The following HS3ST2 variants were observed in gnomAD, a reference collection of about 807,000 sequenced individuals.
HS3ST2 encodes heparan sulfate glucosamine 3-O-sulfotransferase 2.
HS3ST2 carries 17 observed loss-of-function variants against 26.3 expected under a neutral mutation model. The observed-to-expected ratio is 0.65, with a 90% CI of 0.44 to 0.97. The LOEUF (loss-of-function observed/expected upper bound fraction) is 0.97. Ranked by LOEUF, HS3ST2 falls within the 50% of genes least tolerant of loss-of-function variation. HS3ST2 has a pLI of 0.00. For synonymous variants in HS3ST2, 237 were observed against 219.2 expected (o/e 1.08, Z -0.72); for missense variants, 402 against 501.2 (o/e 0.80, Z 1.89).
At chr16:22,876,548 C>A (rs1901921068) in intron 1 of HS3ST2, among the ~76,000 whole-genome samples, 1 of 152,160 alleles carries the variant, frequency 6.6e-6, no homozygotes, top group African/African-American at 2.4e-5. Flanking sequence ...CTGCCAGTGT[C>A]AACGACACCA....
intron 1 of HS3ST2, among the ~76,000 whole-genome samples, chr16:22,822,617 G>C (rs1395114910): frequency 3.9e-5 from 6 of 152,156 alleles, no homozygotes; most frequent in African/African-American, 1.4e-4. Flanking sequence ...ACTTTGGGAG[G>C]CCAAGGCAGG....
In HS3ST2 at chr16:22,915,263, A is replaced by T; in HGVS notation, c.805A>T (p.Ile269Phe). The part of the protein sequence containing the change: ...SWLQYFPLAQ[I>F]HFVSGERLIT... ...GCTGCAGTACTTCCCGCTAGCTCAG[A>T]TTCACTTCGTCAGTGGCGAGCGACT... Residue 269 changes from isoleucine (I) to phenylalanine (F), a missense_variant, in exon 2 of 2, where the codon ATT becomes TTT. This residue lies in a region of HS3ST2 where 237 missense variants were observed against 346.6 expected (regional missense o/e 0.68). Coordinates refer to ENST00000261374, the MANE Select transcript of HS3ST2 (RefSeq NM_006043.2). The T allele has an allele frequency of 6.2e-7, 1 of 1,613,976 alleles. No homozygotes were observed. Among genetic ancestry groups the T allele is most frequent in the Non-Finnish European group, 8.5e-7 (1 of 1,180,002 alleles).
At chr16:22,907,513 G>A (rs1053209884) in intron 1 of HS3ST2, among the ~76,000 whole-genome samples, 1 of 152,178 alleles carries the variant, frequency 6.6e-6, no homozygotes, top group African/African-American at 2.4e-5. Flanking sequence ...TAAGGGAGGA[G>A]GCTGGAGACT....
At chr16:22,914,314 A>G (rs1183971652) in intron 1 of HS3ST2, among the ~76,000 whole-genome samples, 1 of 152,188 alleles carries the variant, frequency 6.6e-6, no homozygotes, top group African/African-American at 2.4e-5. Flanking sequence ...AAATCATTCC[A>G]TATTAATGCA....
At chr16:22,859,342 C>G (rs1021956689) in intron 1 of HS3ST2, among the ~76,000 whole-genome samples, 4 of 152,154 alleles carry the variant, frequency 2.6e-5, no homozygotes, top group African/African-American at 9.7e-5. Flanking sequence ...ACTGTGCAAA[C>G]TGCCTCTAAT....
chr16:22,892,820 G>A (rs1902148105), intron 1 of HS3ST2, among the ~76,000 whole-genome samples: 1 of 152,004 alleles, frequency 6.6e-6, no homozygotes, highest in African/African-American at 2.4e-5. Context: ...ATCCCCCACG[G>A]CTCTTCAAAA....
intron 1 of HS3ST2, among the ~76,000 whole-genome samples, chr16:22,815,377 C>G (rs1025974275): frequency 3.3e-5 from 5 of 152,174 alleles, no homozygotes; most frequent in African/African-American, 1.2e-4. Flanking sequence ...GGGCTAACTC[C>G]CTCTGTGACC....
At chr16:22,902,323 A>C (rs1260669485) in intron 1 of HS3ST2, among the ~76,000 whole-genome samples, 1 of 152,196 alleles carries the variant, frequency 6.6e-6, no homozygotes, top group East Asian at 1.9e-4. Context: ...TAGCTAACTT[A>C]ATGCTAGCTG....
intron 1 of HS3ST2, among the ~76,000 whole-genome samples, chr16:22,893,316 T>C (rs576028000): frequency 1.3e-5 from 2 of 152,342 alleles, no homozygotes; most frequent in Non-Finnish European, 2.9e-5. Flanking sequence ...TAAAAGCTCA[T>C]ATAGCTATGC....
chr16:22,820,561 C>T (rs1269840454), intron 1 of HS3ST2, among the ~76,000 whole-genome samples: 1 of 152,204 alleles, frequency 6.6e-6, no homozygotes, highest in African/African-American at 2.4e-5. Context: ...AAATGAGAGC[C>T]AAGCAAAAGG....
chr16:22,816,641 G>A (rs557963364), intron 1 of HS3ST2, among the ~76,000 whole-genome samples: 2 of 152,302 alleles, frequency 1.3e-5, no homozygotes, highest in Admixed American at 6.5e-5. Flanking sequence ...TCATGCCAAT[G>A]CCAATAGCCC....
At chr16:22,882,022 A>G (rs1389408080) in intron 1 of HS3ST2, among the ~76,000 whole-genome samples, 1 of 150,626 alleles carries the variant, frequency 6.6e-6, no homozygotes, top group Non-Finnish European at 1.5e-5. Context: ...TTTATAACTG[A>G]GAAATTTTGC....
chr16:22,828,659 T>A (rs1317825318), intron 1 of HS3ST2, among the ~76,000 whole-genome samples: 1 of 152,236 alleles, frequency 6.6e-6, no homozygotes, highest in Non-Finnish European at 1.5e-5. Flanking sequence ...AGGTAGCATT[T>A]CCTAGGATCA....
At chr16:22,829,629 C>T (rs1901140215) in intron 1 of HS3ST2, among the ~76,000 whole-genome samples, 2 of 152,120 alleles carry the variant, frequency 1.3e-5, no homozygotes. Context: ...ACAATCTGCC[C>T]TCTTATGACT....
At chr16:22,897,391 CA>C (rs1902224900) in intron 1 of HS3ST2, among the ~76,000 whole-genome samples, 1 of 152,178 alleles carries the variant, frequency 6.6e-6, no homozygotes, top group Non-Finnish European at 1.5e-5. Context: ...TGAGTAAGTA[CA>C]TGCCCATATT....
chr16:22,914,383 T>G (rs1902462211), intron 1 of HS3ST2, among the ~76,000 whole-genome samples: 1 of 151,972 alleles, frequency 6.6e-6, no homozygotes, highest in Non-Finnish European at 1.5e-5. Flanking sequence ...CTCACTGTGA[T>G]GGATGTTTAG....
intron 1 of HS3ST2, among the ~76,000 whole-genome samples, chr16:22,841,192 G>A (rs1842731326): frequency 6.6e-6 from 1 of 152,068 alleles, no homozygotes; most frequent in Admixed American, 6.6e-5. Context: ...CTCCTGAGTA[G>A]CTGGGATTAC....
At chr16:22,831,976 C>T (rs1251630988) in intron 1 of HS3ST2, among the ~76,000 whole-genome samples, 1 of 151,856 alleles carries the variant, frequency 6.6e-6, no homozygotes, top group Non-Finnish European at 1.5e-5. Context: ...TAAAAGATAA[C>T]ATTTTTTATT....
intron 1 of HS3ST2, among the ~76,000 whole-genome samples, chr16:22,893,634 C>CTTTTTTTTTTTTTTTTATTTTTT (rs56664558): frequency 7.7e-6 from 1 of 130,278 alleles, no homozygotes; most frequent in Non-Finnish European, 1.6e-5. Flanking sequence ...TTTTTCTTTT[C>CTTTTTTTTTTTTTTTTATTTTTT]TTTTTTTTTT....
Sources: allele counts gnomAD v4.1 joint callset (sites outside exome capture counted in the v4.1 genomes callset), GRCh38; gene constraint gnomAD v4.1.1; regional missense constraint gnomAD v4.1.1; transcripts MANE v1.5; gene names NCBI Gene and HGNC (gene_info 2026-07-23, HGNC 2026-07-21).